INSYN2B: variants seen among roughly 807,000 people sequenced by gnomAD.
The protein encoded by INSYN2B is protein INSYN2B.
INSYN2B carries 16 observed loss-of-function variants against 41.2 expected under a neutral mutation model. The observed-to-expected ratio is 0.39, with a 90% CI of 0.26 to 0.59. INSYN2B has a LOEUF of 0.59. INSYN2B is among the 20% of genes least tolerant of loss of function. INSYN2B has a pLI of 0.57. For missense variants in INSYN2B, 608 were observed against 646.4 expected (o/e 0.94, Z 0.64); for synonymous variants, 245 against 244.4 (o/e 1.00, Z -0.02).
chr5:169,888,377 G>A (rs56832211), intron 1 of INSYN2B, among the ~76,000 whole-genome samples: 4,731 of 152,240 alleles, frequency 0.031, 139 homozygotes, highest in African/African-American at 0.076. Flanking sequence ...GCTGCCCTAC[G>A]GCTGGAATTA....
At chr5:169,897,127 A>G (rs983447432) in intron 1 of INSYN2B, among the ~76,000 whole-genome samples, 9 of 152,202 alleles carry the variant, frequency 5.9e-5, no homozygotes, top group Non-Finnish European at 1.0e-4. Context: ...GGCTTTCTCT[A>G]TGAGAAAGAG....
In INSYN2B at chr5:169,888,418, C is replaced by T. The variant is rs551904627; in HGVS notation, c.-918-3602G>A. ...GATCTTTGCAACACTTTATTCTGTC[C>T]TCCCTTGATTATTGACTTTAGTGAA... On this transcript the variant is annotated intron_variant, in intron 1 of 3. Coordinates refer to ENST00000377365, the MANE Select transcript of INSYN2B (RefSeq NM_001129891.3). 4.1e-4 allele frequency among the ~76,000 whole-genome samples: 62 copies of T among 152,304 alleles called. 1 individual carries two copies. In the South Asian group the frequency reaches 0.012, roughly 28 times the overall value.
chr5:169,877,072 A>G (rs1772375006), intron 3 of INSYN2B, among the ~76,000 whole-genome samples: 1 of 152,214 alleles, frequency 6.6e-6, no homozygotes, highest in South Asian at 2.1e-4. Flanking sequence ...GAGGTTGTCC[A>G]GATAACTGAC....
At position 169,863,132 on chromosome 5, in the gene INSYN2B, C is replaced by G. The variant is rs1771307859; in HGVS notation, c.*1141G>C. Among the ~76,000 whole-genome samples, 1 of 152,150 alleles carries G rather than the reference C, an allele frequency of 6.6e-6. No homozygotes were observed. The highest frequency in any genetic ancestry group is 2.4e-5 in the African/African-American group (1 of 41,438). On this transcript the variant is annotated 3_prime_UTR_variant, in exon 4 of 4. Transcript: ENST00000377365. ...GGATCCACATGTATGTAGGTCTTGT[C>G]AACAGAATGAGCCAGACCTTGAATA... is the stretch of plus-strand genomic sequence containing the variant.
intron 1 of INSYN2B, among the ~76,000 whole-genome samples, chr5:169,960,274 G>A (rs1045250053): frequency 6.6e-6 from 1 of 152,198 alleles, no homozygotes; most frequent in African/African-American, 2.4e-5. Flanking sequence ...CTGTACATGG[G>A]TATCTTTGTT....
At chr5:169,930,562 A>T (rs572090505) in intron 1 of INSYN2B, among the ~76,000 whole-genome samples, 16 of 152,354 alleles carry the variant, frequency 1.1e-4, no homozygotes, top group Admixed American at 7.8e-4. Flanking sequence ...CAGGCTATAG[A>T]TAATAAGAAA....
chr5:169,930,177 G>T (rs1775676660), intron 1 of INSYN2B, among the ~76,000 whole-genome samples: 1 of 152,104 alleles, frequency 6.6e-6, no homozygotes, highest in Non-Finnish European at 1.5e-5. Flanking sequence ...TTTTAGTAGA[G>T]ATGGGGGTTT....
chr5:169,918,284 A>G (rs752124435), intron 1 of INSYN2B, among the ~76,000 whole-genome samples: 2 of 152,220 alleles, frequency 1.3e-5, no homozygotes, highest in African/African-American at 2.4e-5. Context: ...CTATCTCTCA[A>G]AATGTTGTGG....
chr5:169,927,401 C>T (rs1187525178), intron 1 of INSYN2B, among the ~76,000 whole-genome samples: 1 of 152,126 alleles, frequency 6.6e-6, no homozygotes, highest in African/African-American at 2.4e-5. Flanking sequence ...AGATGGGGAC[C>T]TTCTAATAAG....
chr5:169,933,749 A>G (rs1165279880), intron 1 of INSYN2B, among the ~76,000 whole-genome samples: 1 of 152,138 alleles, frequency 6.6e-6, no homozygotes. Flanking sequence ...TCAGACTTCC[A>G]GGCAGCTGCC....
At chr5:169,880,400 A>C (rs1772570780) in intron 3 of INSYN2B, among the ~76,000 whole-genome samples, 1 of 152,238 alleles carries the variant, frequency 6.6e-6, no homozygotes, top group Non-Finnish European at 1.5e-5. Flanking sequence ...GACATAGGCA[A>C]CCCAATTAGG....
intron 1 of INSYN2B, among the ~76,000 whole-genome samples, chr5:169,967,207 A>G (rs1262968136): frequency 6.6e-6 from 1 of 152,224 alleles, no homozygotes; most frequent in Non-Finnish European, 1.5e-5. Context: ...GCACAGGGAC[A>G]TGAGAACTCA....
intron 1 of INSYN2B, among the ~76,000 whole-genome samples, chr5:169,935,101 A>G (rs1775925943): frequency 6.6e-6 from 1 of 152,228 alleles, no homozygotes; most frequent in Admixed American, 6.5e-5. Context: ...CAGTGAAGAC[A>G]GCGTGGCAAG....
At chr5:169,945,192 C>G (rs1375275247) in intron 1 of INSYN2B, among the ~76,000 whole-genome samples, 2 of 152,226 alleles carry the variant, frequency 1.3e-5, no homozygotes, top group African/African-American at 4.8e-5. Context: ...GCTGGTTGTG[C>G]TGCAGCTGTA....
At chr5:169,979,951 A>G (rs1339827416) in intron 1 of INSYN2B, among the ~76,000 whole-genome samples, 1 of 152,220 alleles carries the variant, frequency 6.6e-6, no homozygotes, top group East Asian at 1.9e-4. Context: ...TTCTCTAAAC[A>G]AGGCTTAAGA....
intron 2 of INSYN2B, 114 bp from the exon 3 acceptor site, chr5:169,881,556 G>A: frequency 1.3e-6 from 1 of 750,854 alleles, no homozygotes; most frequent in Non-Finnish European, 2.3e-6. Context: ...GTGCTCTGAA[G>A]TTGCACGGCC....
chr5:169,948,173 C>T (rs901042116), intron 1 of INSYN2B, among the ~76,000 whole-genome samples: 2 of 152,116 alleles, frequency 1.3e-5, no homozygotes, highest in Non-Finnish European at 2.9e-5. Context: ...TTCATTCATT[C>T]ACTTGACAAA....
intron 1 of INSYN2B, among the ~76,000 whole-genome samples, chr5:169,964,249 G>T (rs536561387): frequency 1.3e-5 from 2 of 152,116 alleles, no homozygotes; most frequent in Non-Finnish European, 2.9e-5. Flanking sequence ...TCTTAGCCTG[G>T]AGTTCAGGAC....
intron 1 of INSYN2B, among the ~76,000 whole-genome samples, chr5:169,936,111 A>T (rs768672361): frequency 2.7e-4 from 41 of 152,192 alleles, no homozygotes; most frequent in Non-Finnish European, 4.3e-4. Flanking sequence ...CTTGTTAGAA[A>T]ATGTAACAAA....
Sources: gnomAD v4.1 joint callset for allele counts (sites outside exome capture counted in the v4.1 genomes callset) on GRCh38, gnomAD v4.1.1 for gene constraint, MANE v1.5 for transcripts, NCBI Gene and HGNC (gene_info 2026-07-23, HGNC 2026-07-21) for gene names.